Variants in AP2B1 observed in about 807,000 individuals in gnomAD.
AP2B1 encodes the protein adaptor related protein complex 2 subunit beta 1.
A neutral mutation model predicts 102.0 loss-of-function variants in AP2B1; 23 were observed. The observed-to-expected ratio is 0.23, with a 90% CI of 0.16 to 0.32. The LOEUF (loss-of-function observed/expected upper bound fraction) is 0.32, where lower values mean the gene tolerates loss of function less well. AP2B1 is among the 10% of genes least tolerant of loss of function. AP2B1 has a pLI of 1.00. For synonymous variants in AP2B1, 381 were observed against 421.2 expected, an observed-to-expected ratio of 0.90 and a Z score of 1.17; for missense variants, 541 against 1,157.4, an observed-to-expected ratio of 0.47 and a Z score of 7.73.
intron 3 of AP2B1, among the ~76,000 whole-genome samples, chr17:35,600,064 T>C (rs2142344726): frequency 6.6e-6 from 1 of 152,158 alleles, no homozygotes; most frequent in Non-Finnish European, 1.5e-5. Flanking sequence ...AAAACAACCA[T>C]TTGTCTAGTT....
At chr17:35,690,442 T>C (rs377657777) in intron 18 of AP2B1, among the ~76,000 whole-genome samples, 45 of 152,216 alleles carry the variant, frequency 3.0e-4, no homozygotes, top group African/African-American at 1.1e-3. Context: ...TATGCATTAA[T>C]TCATTTAATT....
At chr17:35,703,118 A>T (rs1054335735) in intron 18 of AP2B1, among the ~76,000 whole-genome samples, 1 of 151,990 alleles carries the variant, frequency 6.6e-6, no homozygotes, top group Admixed American at 6.6e-5. Flanking sequence ...TAAAAATACA[A>T]AAAATTAGCC....
chr17:35,598,412 A>G (rs1377152430), intron 3 of AP2B1, 77 bp downstream of exon 3: 1 of 847,218 alleles, frequency 1.2e-6, no homozygotes, highest in African/African-American at 1.7e-5. Context: ...CTTTTCCTTT[A>G]AAAGTATCAT....
intron 5 of AP2B1, among the ~76,000 whole-genome samples, chr17:35,614,244 C>A (rs1262173554): frequency 1.3e-5 from 2 of 152,148 alleles, no homozygotes; most frequent in Admixed American, 6.5e-5. Context: ...GTCACCCAGG[C>A]TGGTGTGCAA....
At chr17:35,662,611 G>A (rs111302027) in intron 14 of AP2B1, among the ~76,000 whole-genome samples, 1,476 of 145,312 alleles carry the variant, frequency 0.01, 20 homozygotes, top group African/African-American at 0.035. Context: ...TTTTCTCACC[G>A]TGCAGATCCT....
intron 18 of AP2B1, among the ~76,000 whole-genome samples, chr17:35,701,829 G>A (rs913035187): frequency 6.6e-6 from 1 of 152,122 alleles, no homozygotes; most frequent in African/African-American, 2.4e-5. Context: ...GGTTGCCCAA[G>A]CTTGTCTCGA....
chr17:35,664,663 T>C (rs1481498604), intron 14 of AP2B1, among the ~76,000 whole-genome samples: 1 of 152,242 alleles, frequency 6.6e-6, no homozygotes, highest in East Asian at 1.9e-4. Flanking sequence ...AGTAAATATT[T>C]GAGTGCCTAG....
chr17:35,717,581 C>A (rs587645807), intron 21 of AP2B1, among the ~76,000 whole-genome samples: 23 of 152,276 alleles, frequency 1.5e-4, no homozygotes, highest in Non-Finnish European at 2.6e-4. Context: ...ATCCATCCCT[C>A]CCCCCTGGTG....
At position 35,598,170 on chromosome 17, in the gene AP2B1, A is replaced by G. The variant is rs145131085; in HGVS notation, c.38-60A>G. On this transcript the variant is annotated intron_variant, in intron 2 of 21. Coordinates refer to ENST00000610402, the MANE Select transcript of AP2B1 (RefSeq NM_001030006.2). ...CCTGGTATTGGTTATTACATAGTGTAGTATTCTGCTCTAAGTCTGTGGTAC... is the reference window on the plus strand; with the variant it reads ...CCTGGTATTGGTTATTACATAGTGTGGTATTCTGCTCTAAGTCTGTGGTAC... 1,616 of 930,336 alleles carry G rather than the reference A, an allele frequency of 1.7e-3. 18 individuals carry two copies. The African/African-American group carries it at 0.023, about 13-fold the overall frequency. The allele number at this position is 930,336 out of a possible 1,614,324, so 57.6% of individuals were successfully genotyped here.
At chr17:35,597,304 T>C (rs191604174) in intron 2 of AP2B1, among the ~76,000 whole-genome samples, 1 of 152,332 alleles carries the variant, frequency 6.6e-6, no homozygotes, top group Non-Finnish European at 1.5e-5. Flanking sequence ...GTGTTTTTTT[T>C]CCGTTTCTTT....
At chr17:35,699,621 A>G (rs1190092473) in intron 18 of AP2B1, among the ~76,000 whole-genome samples, 1 of 152,216 alleles carries the variant, frequency 6.6e-6, no homozygotes, top group African/African-American at 2.4e-5. Context: ...AGGAAAGTCA[A>G]TTGACATTTC....
At chr17:35,688,518 A>C (rs772640362) in intron 18 of AP2B1, among the ~76,000 whole-genome samples, 10 of 151,980 alleles carry the variant, frequency 6.6e-5, no homozygotes, top group Non-Finnish European at 1.5e-4. Context: ...CAATTTTAGG[A>C]ATTTGTCTTT....
At chr17:35,688,005 T>C (rs1367806503) in intron 18 of AP2B1, among the ~76,000 whole-genome samples, 5 of 152,234 alleles carry the variant, frequency 3.3e-5, no homozygotes, top group Admixed American at 1.3e-4. Context: ...TCCATTGAGA[T>C]CAGACCCTTC....
intron 1 of AP2B1, among the ~76,000 whole-genome samples, chr17:35,590,343 T>G (rs943285152): frequency 6.6e-6 from 1 of 152,212 alleles, no homozygotes; most frequent in East Asian, 1.9e-4. Flanking sequence ...ATATGAGAGA[T>G]ACACTGAATC....
chr17:35,594,479 T>A (rs1240741254), intron 2 of AP2B1, among the ~76,000 whole-genome samples: 2 of 152,224 alleles, frequency 1.3e-5, no homozygotes, highest in African/African-American at 4.8e-5. Context: ...AAAATGAAAG[T>A]TCTCCCTTCC....
chr17:35,624,601 C>G lies in AP2B1; in HGVS notation c.716+14C>G, dbSNP rs1377250087. The G allele has an allele frequency of 6.2e-7, 1 of 1,603,984 alleles. No homozygotes were observed. The highest frequency in any genetic ancestry group is 1.3e-5 in the African/African-American group (1 of 74,442). On this transcript the variant is annotated intron_variant, in intron 6 of 21. Transcript: ENST00000610402. ...GGAGGCTCAGAGGTCAGTCTGTTTT[C>G]CTGGCTACTTTCTGGTAGTCTTGCC...
At chr17:35,696,014 G>A (rs1196542749) in intron 18 of AP2B1, among the ~76,000 whole-genome samples, 1 of 152,058 alleles carries the variant, frequency 6.6e-6, no homozygotes, top group African/African-American at 2.4e-5. Context: ...CTGCCCACTC[G>A]GAAGAGCTTG....
intron 18 of AP2B1, among the ~76,000 whole-genome samples, chr17:35,706,351 A>G (rs1295834351): frequency 6.6e-6 from 1 of 152,242 alleles, no homozygotes; most frequent in East Asian, 1.9e-4. Flanking sequence ...CAGACTTCTT[A>G]GATAACAATG....
chr17:35,653,767 C>T (rs2075148545), intron 13 of AP2B1, among the ~76,000 whole-genome samples: 1 of 151,936 alleles, frequency 6.6e-6, no homozygotes, highest in Non-Finnish European at 1.5e-5. Flanking sequence ...TGAGCCACTG[C>T]GCCCGGCTGG....
Sources: allele counts gnomAD v4.1 joint callset (sites outside exome capture counted in the v4.1 genomes callset), GRCh38; gene constraint gnomAD v4.1.1; transcripts MANE v1.5; gene names NCBI Gene and HGNC (gene_info 2026-07-23, HGNC 2026-07-21).